The following SLCO1A2 variants were observed in gnomAD, a reference collection of about 807,000 sequenced individuals.
The protein encoded by SLCO1A2 is OATP-1.
SLCO1A2 carries 67 observed loss-of-function variants against 69.0 expected under a neutral mutation model. That is an observed-to-expected ratio of 0.97 (90% CI 0.80 to 1.19). The LOEUF is 1.19. SLCO1A2 is among the 50% of genes most tolerant of loss of function. The probability of loss-of-function intolerance (pLI) is 0.00; values close to 1 mark genes in which losing one functional copy is unlikely to be tolerated. For synonymous variants in SLCO1A2, 260 were observed against 265.9 expected (o/e 0.98, Z 0.22); for missense variants, 787 against 793.7 (o/e 0.99, Z 0.10).
intron 2 of SLCO1A2, among the ~76,000 whole-genome samples, chr12:21,327,072 C>G (rs751614646): frequency 6.6e-6 from 1 of 152,074 alleles, no homozygotes; most frequent in Admixed American, 6.6e-5. Flanking sequence ...GTTTTCTTGT[C>G]CAGTCTTTGG....
At chr12:21,297,048 G>A (rs1310636451) in intron 9 of SLCO1A2, among the ~76,000 whole-genome samples, 8 of 152,076 alleles carry the variant, frequency 5.3e-5, no homozygotes, top group Non-Finnish European at 8.8e-5. Context: ...ACCAAAAAGA[G>A]TAAAATTTGG....
chr12:21,282,745 C>A (rs1402541866), intron 12 of SLCO1A2, among the ~76,000 whole-genome samples: 1 of 151,982 alleles, frequency 6.6e-6, no homozygotes, highest in Non-Finnish European at 1.5e-5. Flanking sequence ...AGTAAAGTTG[C>A]AGGATACAAA....
chr12:21,346,367 G>T (rs928077297), intron 2 of SLCO1A2, among the ~76,000 whole-genome samples: 2 of 152,080 alleles, frequency 1.3e-5, no homozygotes, highest in African/African-American at 4.8e-5. Context: ...AGAGAGCTGT[G>T]CTGAAGAGCA....
chr12:21,282,755 A>T (rs138205936), intron 12 of SLCO1A2, among the ~76,000 whole-genome samples: 1 of 152,290 alleles, frequency 6.6e-6, no homozygotes, highest in East Asian at 1.9e-4. Flanking sequence ...CAGGATACAA[A>T]ATCAACATAA....
At chr12:21,287,218 C>T (rs1279969698) in intron 12 of SLCO1A2, among the ~76,000 whole-genome samples, 2 of 147,870 alleles carry the variant, frequency 1.4e-5, no homozygotes, top group Admixed American at 6.7e-5. Flanking sequence ...ACAGACACTT[C>T]TCAAAAGAAG....
At chr12:21,331,992 T>G (rs1952648366) in intron 2 of SLCO1A2, among the ~76,000 whole-genome samples, 1 of 152,090 alleles carries the variant, frequency 6.6e-6, no homozygotes, top group African/African-American at 2.4e-5. Flanking sequence ...AGGAGATTCA[T>G]CAAAGGTCAG....
chr12:21,386,602 C>T lies in SLCO1A2; in HGVS notation c.-190+8304G>A, dbSNP rs533971134. On this transcript the variant is annotated intron_variant, in intron 1 of 15. Transcript: ENST00000307378. ...TGTTTGCTTCTCCTTCACCTTCTGC[C>T]ATGATTGTGTGGCCCCCCCAGCCAT... Among the ~76,000 whole-genome samples, 6 of 152,210 alleles carry T rather than the reference C, an allele frequency of 3.9e-5. No individual in the cohort carries two copies. In the South Asian group the frequency reaches 1.2e-3, roughly 32 times the overall value.
At chr12:21,357,659 T>G (rs982520335) in intron 2 of SLCO1A2, among the ~76,000 whole-genome samples, 5 of 152,194 alleles carry the variant, frequency 3.3e-5, no homozygotes, top group African/African-American at 9.6e-5. Context: ...ATGGGAGAGT[T>G]AAATTATTCT....
intron 12 of SLCO1A2, among the ~76,000 whole-genome samples, chr12:21,279,463 C>T (rs773439777): frequency 4.6e-5 from 7 of 152,058 alleles, no homozygotes; most frequent in South Asian, 4.1e-4. Context: ...GCAAGAGAAA[C>T]GAAGTGACTA....
chr12:21,378,584 C>T, intron 1 of SLCO1A2: 1 of 603,230 alleles, frequency 1.7e-6, no homozygotes, highest in Admixed American at 2.8e-5. Flanking sequence ...ATATGTAGTA[C>T]TAACTAAGGT....
intron 2 of SLCO1A2, among the ~76,000 whole-genome samples, chr12:21,355,568 T>C (rs1383179972): frequency 6.6e-6 from 1 of 152,158 alleles, no homozygotes; most frequent in Non-Finnish European, 1.5e-5. Flanking sequence ...GTTTCCTATA[T>C]TACCCTTAAT....
At chr12:21,389,733 G>A (rs1941059494) in intron 1 of SLCO1A2, among the ~76,000 whole-genome samples, 2 of 151,544 alleles carry the variant, frequency 1.3e-5, no homozygotes, top group South Asian at 2.1e-4. Flanking sequence ...AGCATAAAGA[G>A]TAGGCACACA....
intron 2 of SLCO1A2, among the ~76,000 whole-genome samples, chr12:21,350,337 AAGAG>A (rs1565511332): frequency 1.3e-5 from 2 of 152,234 alleles, no homozygotes; most frequent in Non-Finnish European, 2.9e-5. Context: ...TACAAAAAAA[AAGAG>A]AGAAAAAATT....
intron 12 of SLCO1A2, among the ~76,000 whole-genome samples, chr12:21,278,079 T>G (rs1479047658): frequency 2.0e-5 from 3 of 152,072 alleles, no homozygotes; most frequent in Non-Finnish European, 4.4e-5. Context: ...CTCTTGTGCC[T>G]TAAGTAAACG....
At chr12:21,300,287 A>G in intron 8 of SLCO1A2, 61 bp downstream of exon 8, 1 of 1,223,168 alleles carries the variant, frequency 8.2e-7, no homozygotes. Context: ...AGACTAAAAT[A>G]CAGACATATC....
At chr12:21,277,910 C>A (rs1023982066) in intron 12 of SLCO1A2, among the ~76,000 whole-genome samples, 4 of 152,080 alleles carry the variant, frequency 2.6e-5, no homozygotes, top group African/African-American at 9.7e-5. Context: ...TGGGTAGGGA[C>A]CCCAGGGGTA....
intron 2 of SLCO1A2, among the ~76,000 whole-genome samples, chr12:21,366,575 CA>C (rs1463958263): frequency 6.6e-6 from 1 of 151,756 alleles, no homozygotes; most frequent in African/African-American, 2.4e-5. Flanking sequence ...GAAATATAAA[CA>C]TTAAAAGATA....
upstream of SLCO1A2, among the ~76,000 whole-genome samples, chr12:21,339,114 AT>A (rs1368026104): frequency 1.3e-5 from 2 of 152,050 alleles, no homozygotes; most frequent in Non-Finnish European, 2.9e-5. Context: ...CTGAAATAAA[AT>A]AGTCACTCTG....
At chr12:21,396,215 C>A (rs1361478679), upstream of SLCO1A2, among the ~76,000 whole-genome samples, 2 of 149,842 alleles carry the variant, frequency 1.3e-5, no homozygotes, top group Non-Finnish European at 3.0e-5. Flanking sequence ...TCGAGAACTA[C>A]GTGAAGAATG....
Sources: allele counts gnomAD v4.1 joint callset (sites outside exome capture counted in the v4.1 genomes callset), GRCh38; gene constraint gnomAD v4.1.1; transcripts MANE v1.5; gene names NCBI Gene and HGNC (gene_info 2026-07-23, HGNC 2026-07-21).